The following OXR1 variants were observed in gnomAD, a reference collection of about 807,000 sequenced individuals.
OXR1 encodes oxidation resistance protein 1.
In OXR1, 41 loss-of-function variants were observed where a neutral mutation model predicts 104.6. That is an observed-to-expected ratio of 0.39 (90% CI 0.31 to 0.51). The LOEUF is 0.51. Among genes scored for constraint, OXR1 ranks in the 20% least tolerant of loss-of-function variants. OXR1 has a pLI of 0.77. For synonymous variants in OXR1, 348 were observed against 348.4 expected, an observed-to-expected ratio of 1.00 and a Z score of 0.01; for missense variants, 955 against 1,031.9, an observed-to-expected ratio of 0.93 and a Z score of 1.02.
At chr8:106,356,344 G>C (rs1815970847) in intron 1 of OXR1, among the ~76,000 whole-genome samples, 1 of 152,122 alleles carries the variant, frequency 6.6e-6, no homozygotes, top group South Asian at 2.1e-4. Flanking sequence ...CTAAGGAAAA[G>C]GAAGTCAGGA....
chr8:106,453,021 T>C (rs1820407912), intron 2 of OXR1, among the ~76,000 whole-genome samples: 1 of 152,146 alleles, frequency 6.6e-6, no homozygotes, highest in African/African-American at 2.4e-5. Flanking sequence ...CTTTCTCACC[T>C]CTTTGTTTTT....
At chr8:106,623,485 T>C (rs377012381) in intron 3 of OXR1, among the ~76,000 whole-genome samples, 2 of 152,250 alleles carry the variant, frequency 1.3e-5, no homozygotes, top group African/African-American at 4.8e-5. Context: ...ACATATTTGT[T>C]ACATGGAGTC....
intron 2 of OXR1, among the ~76,000 whole-genome samples, chr8:106,433,846 A>G (rs1214229150): frequency 6.6e-6 from 1 of 152,218 alleles, no homozygotes; most frequent in Non-Finnish European, 1.5e-5. Flanking sequence ...CAATGCTGAA[A>G]GGAACATTCG....
chr8:106,346,176 C>A (rs1815473071), intron 1 of OXR1, among the ~76,000 whole-genome samples: 1 of 149,780 alleles, frequency 6.7e-6, no homozygotes, highest in African/African-American at 2.4e-5. Flanking sequence ...TATAAATTTT[C>A]TTGATATAAT....
chr8:106,486,945 C>T (rs1586706356), intron 2 of OXR1, among the ~76,000 whole-genome samples: 1 of 151,350 alleles, frequency 6.6e-6, no homozygotes, highest in African/African-American at 2.4e-5. Flanking sequence ...TGAAGTTCAA[C>T]GAAACAACAG....
intron 3 of OXR1, among the ~76,000 whole-genome samples, chr8:106,572,208 A>G (rs929429471): frequency 1.3e-5 from 2 of 152,198 alleles, no homozygotes; most frequent in South Asian, 4.1e-4. Flanking sequence ...TCCATCCTAT[A>G]GATTCCAAAA....
chr8:106,438,550 A>G (rs994461053), intron 2 of OXR1, among the ~76,000 whole-genome samples: 1 of 152,108 alleles, frequency 6.6e-6, no homozygotes, highest in African/African-American at 2.4e-5. Flanking sequence ...TGATATGGCT[A>G]TTGGATGGCA....
chr8:106,745,871 C>G lies in OXR1; in HGVS notation c.2486+9C>G, dbSNP rs764466654. 2 of 1,489,132 alleles carry G rather than the reference C, an allele frequency of 1.3e-6. No homozygotes were observed. The highest frequency in any genetic ancestry group is 1.9e-6 in the Non-Finnish European group (2 of 1,076,194). The allele number at this position is 1,489,132 out of a possible 1,614,324, so 92.2% of individuals were successfully genotyped here. On this transcript the variant is annotated intron_variant, in intron 16 of 16. Transcript: ENST00000517566. ...GCTTTCGGTGGTGGAGGGTAAGTCT[C>G]TTGAACATTTCACTATGAGATTTTT...
chr8:106,729,008 G>A (rs1833612282), intron 11 of OXR1, among the ~76,000 whole-genome samples: 1 of 152,172 alleles, frequency 6.6e-6, no homozygotes, highest in East Asian at 1.9e-4. Flanking sequence ...TTAGCTGACA[G>A]GTGGATTTTT....
chr8:106,705,576 A>T (rs538315033), intron 8 of OXR1, among the ~76,000 whole-genome samples: 139 of 152,240 alleles, frequency 9.1e-4, no homozygotes, highest in African/African-American at 3.1e-3. Context: ...TTCATTAAGA[A>T]CTCATATAAT....
chr8:106,599,985 C>T (rs1332883532), intron 3 of OXR1, among the ~76,000 whole-genome samples: 2 of 152,180 alleles, frequency 1.3e-5, no homozygotes, highest in Non-Finnish European at 2.9e-5. Context: ...TCTAATGCTG[C>T]CGGTGATCTG....
chr8:106,509,926 C>G (rs896496234), intron 2 of OXR1, among the ~76,000 whole-genome samples: 29 of 152,240 alleles, frequency 1.9e-4, no homozygotes, highest in South Asian at 6.2e-4. Flanking sequence ...TGCACACCAC[C>G]ACGCCCCGCT....
intron 3 of OXR1, among the ~76,000 whole-genome samples, chr8:106,624,376 G>A (rs1821977414): frequency 6.6e-6 from 1 of 152,192 alleles, no homozygotes; most frequent in South Asian, 2.1e-4. Context: ...GGCTAACGAT[G>A]GGGGCATCTC....
intron 3 of OXR1, among the ~76,000 whole-genome samples, chr8:106,564,051 C>T (rs1233445047): frequency 4.6e-5 from 7 of 151,912 alleles, no homozygotes; most frequent in African/African-American, 7.3e-5. Context: ...GACATTGAAT[C>T]GACATCCTAA....
intron 3 of OXR1, among the ~76,000 whole-genome samples, chr8:106,540,321 A>T (rs1296893633): frequency 1.3e-5 from 2 of 152,188 alleles, no homozygotes; most frequent in Non-Finnish European, 2.9e-5. Flanking sequence ...TTCCAGAAAG[A>T]TCACTATTTA....
intron 2 of OXR1, among the ~76,000 whole-genome samples, chr8:106,373,085 G>T (rs1268751163): frequency 2.5e-4 from 38 of 152,158 alleles, no homozygotes; most frequent in Admixed American, 2.5e-3. Flanking sequence ...GTAATGTGTA[G>T]GCATTATATT....
intron 3 of OXR1, among the ~76,000 whole-genome samples, chr8:106,596,111 C>G (rs1819508908): frequency 6.6e-6 from 1 of 151,904 alleles, no homozygotes; most frequent in Admixed American, 6.6e-5. Flanking sequence ...CCTACTAATA[C>G]CAAAGATCAG....
At chr8:106,473,389 A>T (rs940060703) in intron 2 of OXR1, among the ~76,000 whole-genome samples, 11 of 151,888 alleles carry the variant, frequency 7.2e-5, no homozygotes, top group African/African-American at 2.7e-4. Context: ...AGTCTAAAAA[A>T]TGCTATGTGT....
intron 1 of OXR1, among the ~76,000 whole-genome samples, chr8:106,293,487 CT>C (rs1812843351): frequency 6.6e-6 from 1 of 152,184 alleles, no homozygotes; most frequent in Non-Finnish European, 1.5e-5. Flanking sequence ...GCCAACATTA[CT>C]TGGAACTGCA....
Sources: allele counts gnomAD v4.1 joint callset (sites outside exome capture counted in the v4.1 genomes callset), GRCh38; gene constraint gnomAD v4.1.1; transcripts MANE v1.5; gene names NCBI Gene and HGNC (gene_info 2026-07-23, HGNC 2026-07-21).